Variants in CHKA observed in about 807,000 individuals in gnomAD.
CHKA encodes CHETK-alpha.
Under a neutral mutation model 60.1 loss-of-function variants are expected in CHKA, and 34 were observed. The ratio of observed to expected loss-of-function variants is 0.57; its 90% CI spans 0.43 to 0.75. The LOEUF (loss-of-function observed/expected upper bound fraction) is 0.75, where lower values mean the gene tolerates loss of function less well. Among genes scored for constraint, CHKA ranks in the 30% least tolerant of loss-of-function variants. CHKA has a pLI of 0.00. For synonymous variants in CHKA, 217 were observed against 223.1 expected, an observed-to-expected ratio of 0.97 and a Z score of 0.24; for missense variants, 563 against 561.3, an observed-to-expected ratio of 1.00 and a Z score of -0.03.
intron 3 of CHKA, among the ~76,000 whole-genome samples, chr11:68,076,587 T>C (rs1461270104): frequency 6.6e-6 from 1 of 152,146 alleles, no homozygotes; most frequent in Non-Finnish European, 1.5e-5. Context: ...CCTCATGCTG[T>C]GTAAAACACA....
intron 2 of CHKA, chr11:68,081,721 A>AT (rs1236344277): frequency 2.5e-5 from 8 of 324,218 alleles, no homozygotes. Flanking sequence ...CAGCCGCCCC[A>AT]TGTACCTTTC....
chr11:68,095,402 C>CAAAAA (rs35029853), intron 2 of CHKA, among the ~76,000 whole-genome samples: 1 of 12,502 alleles, frequency 8.0e-5, no homozygotes, highest in African/African-American at 3.4e-4. Flanking sequence ...GACTCCATCT[C>CAAAAA]AAAAAAAAAA....
intron 1 of CHKA, among the ~76,000 whole-genome samples, chr11:68,120,557 G>T (rs1247213224): frequency 1.3e-5 from 2 of 152,240 alleles, no homozygotes; most frequent in African/African-American, 4.8e-5. Flanking sequence ...TGTTCTCCTA[G>T]AACAGACCCG....
Position 68,112,208 on chromosome 11 carries a change from CAT to C in CHKA, c.350+8618_350+8619del, listed in dbSNP as rs1858177038. Among the ~76,000 whole-genome samples the C allele has an allele frequency of 2.6e-5, 4 of 151,820 alleles. No homozygotes were observed. In the South Asian group the frequency reaches 8.3e-4, roughly 32 times the overall value. On this transcript the variant is annotated intron_variant, in intron 1 of 11. Transcript: ENST00000265689. ...AAACTAGATAATTTCTTGATGGTAA[CAT>C]AGAAGAAAATCTAGATGACCTTAGG... is the stretch of plus-strand genomic sequence containing the variant.
rs151320545 is a variant in CHKA, at chr11:68,066,469, G to T, written c.976C>A (p.Leu326Met). The T allele has an allele frequency of 6.2e-6, 10 of 1,614,120 alleles. No homozygotes were observed. The highest frequency in any genetic ancestry group is 8.5e-6 in the Non-Finnish European group (10 of 1,179,954). Residue 326 changes from leucine (L) to methionine (M), a missense_variant, in exon 8 of 12, where the codon CTG becomes ATG. Physicochemically the swap from Leu to Met is conservative, Grantham distance 15. Transcript: ENST00000265689. Reference sequence around the variant, plus strand: ...CTGTATTCGAAATCAATGAGCATCAGTTTCTGTTTTTCAGAATTCTCTCGG... The same window carrying T: ...CTGTATTCGAAATCAATGAGCATCATTTTCTGTTTTTCAGAATTCTCTCGG... ...EGRENSEKQK[L>M]MLIDFEYSSY...
intron 4 of CHKA, among the ~76,000 whole-genome samples, chr11:68,071,630 G>A (rs1167638225): frequency 2.0e-5 from 3 of 152,200 alleles, no homozygotes; most frequent in Non-Finnish European, 4.4e-5. Flanking sequence ...ACAGCACAGG[G>A]GTAAGAGTGA....
At chr11:68,063,766 A>C (rs1045799168) in intron 10 of CHKA, among the ~76,000 whole-genome samples, 2 of 152,134 alleles carry the variant, frequency 1.3e-5, no homozygotes, top group African/African-American at 4.8e-5. Context: ...AGTTCTCACA[A>C]GATCTGATGG....
chr11:68,095,368 A>C, intron 2 of CHKA, among the ~76,000 whole-genome samples: 1 of 116,300 alleles, frequency 8.6e-6, no homozygotes, highest in East Asian at 2.8e-4. Flanking sequence ...GCACCACTGC[A>C]CTCCAGCCTG....
intron 1 of CHKA, among the ~76,000 whole-genome samples, chr11:68,101,385 G>A (rs906390162): frequency 6.6e-5 from 10 of 152,126 alleles, no homozygotes; most frequent in African/African-American, 2.2e-4. Flanking sequence ...ATCCCTGTTT[G>A]CAGACAACAT....
intron 11 of CHKA, among the ~76,000 whole-genome samples, chr11:68,055,833 T>C (rs1252797926): frequency 6.7e-6 from 1 of 150,100 alleles, no homozygotes; most frequent in Non-Finnish European, 1.5e-5. Flanking sequence ...TCACCTGAGG[T>C]CAGGAGTTCG....
intron 1 of CHKA, among the ~76,000 whole-genome samples, chr11:68,099,834 T>C (rs865909572): frequency 6.6e-5 from 10 of 152,232 alleles, no homozygotes; most frequent in Non-Finnish European, 1.5e-4. Flanking sequence ...TGTTCTAAAT[T>C]GTGTAACCTG....
At chr11:68,094,918 A>G (rs1227522858) in intron 2 of CHKA, among the ~76,000 whole-genome samples, 1 of 152,144 alleles carries the variant, frequency 6.6e-6, no homozygotes, top group Non-Finnish European at 1.5e-5. Context: ...CATTATGACA[A>G]TTTTTTTAAT....
chr11:68,063,515 G>A (rs952091702), intron 10 of CHKA, among the ~76,000 whole-genome samples: 5 of 151,976 alleles, frequency 3.3e-5, no homozygotes, highest in Admixed American at 3.3e-4. Context: ...AATTCTATAG[G>A]CTCTGGGTGG....
At chr11:68,080,563 G>A (rs1276110321) in intron 3 of CHKA, among the ~76,000 whole-genome samples, 1 of 152,046 alleles carries the variant, frequency 6.6e-6, no homozygotes, top group Non-Finnish European at 1.5e-5. Flanking sequence ...GGCCAGGCTG[G>A]TCTCAAACTC....
intron 11 of CHKA, among the ~76,000 whole-genome samples, chr11:68,054,780 C>A (rs951924003): frequency 5.3e-5 from 8 of 152,236 alleles, no homozygotes; most frequent in African/African-American, 1.9e-4. Flanking sequence ...CCACCGCAGT[C>A]AGGAGACCTG....
chr11:68,065,892 C>T lies in CHKA; in HGVS notation c.1019G>A (p.Gly340Glu). 6.3e-7 allele frequency: 1 copy of T among 1,594,136 alleles called. No homozygotes were observed. The highest frequency in any genetic ancestry group is 2.3e-5 in the East Asian group (1 of 44,420). ...DFEYSSYNYR[G>E]FDIGNHFCEW... Reference sequence around the variant, plus strand: ...ACAGAAGTGATTTCCAATGTCGAATCCCCTGAAATAAGACATAAGACAGTG... The same window carrying T: ...ACAGAAGTGATTTCCAATGTCGAATTCCCTGAAATAAGACATAAGACAGTG... The change falls in exon 9 of 12, where the codon GGA (glycine) becomes GAA (glutamate). Residue 340 changes from glycine to glutamate, a missense_variant and splice_region_variant. Physicochemically the swap from Gly to Glu is moderately conservative, Grantham distance 98. Transcript: ENST00000265689.
intron 11 of CHKA, among the ~76,000 whole-genome samples, chr11:68,060,629 C>T (rs902142773): frequency 1.3e-5 from 2 of 152,182 alleles, no homozygotes; most frequent in African/African-American, 4.8e-5. Context: ...CAACTTTAAT[C>T]GTGAATCTGC....
intron 1 of CHKA, among the ~76,000 whole-genome samples, chr11:68,113,852 G>C (rs868132515): frequency 8.6e-5 from 13 of 151,954 alleles, no homozygotes; most frequent in Non-Finnish European, 1.5e-4. Flanking sequence ...TTAGCTAGGC[G>C]TAGTGGCAGG....
At chr11:68,098,271 CAAAAAAAAAA>C (rs57972693) in intron 1 of CHKA, among the ~76,000 whole-genome samples, 2 of 120,738 alleles carry the variant, frequency 1.7e-5, no homozygotes, top group Admixed American at 8.6e-5. Flanking sequence ...ACTCCTATCT[CAAAAAAAAAA>C]AAAAAAAAAA....
Sources: allele counts gnomAD v4.1 joint callset (sites outside exome capture counted in the v4.1 genomes callset), GRCh38; gene constraint gnomAD v4.1.1; transcripts MANE v1.5; gene names NCBI Gene and HGNC (gene_info 2026-07-23, HGNC 2026-07-21).